HCN1: variants seen among roughly 807,000 people sequenced by gnomAD.
The protein encoded by HCN1 is hyperpolarization activated cyclic nucleotide gated potassium channel 1.
Under a neutral mutation model 78.9 loss-of-function variants are expected in HCN1, and 13 were observed. That is an observed-to-expected ratio of 0.16 (90% CI 0.11 to 0.26). The LOEUF (loss-of-function observed/expected upper bound fraction) is 0.26. Ranked by LOEUF, HCN1 falls within the 10% of genes least tolerant of loss-of-function variation. The pLI is 1.00. For missense variants in HCN1, 810 were observed against 1,154.3 expected (o/e 0.70, Z 4.32); for synonymous variants, 552 against 455.5 (o/e 1.21, Z -2.70).
intron 6 of HCN1, among the ~76,000 whole-genome samples, chr5:45,293,968 T>A (rs959369483): frequency 6.6e-6 from 1 of 151,812 alleles, no homozygotes; most frequent in African/African-American, 2.4e-5. Flanking sequence ...AAAGAAAAAT[T>A]AAAAAAAACT....
intron 4 of HCN1, among the ~76,000 whole-genome samples, chr5:45,365,537 G>T (rs889527621): frequency 6.6e-6 from 1 of 151,864 alleles, no homozygotes; most frequent in Non-Finnish European, 1.5e-5. Flanking sequence ...ATTTTTTATG[G>T]CTGTGTAGTA....
intron 2 of HCN1, among the ~76,000 whole-genome samples, chr5:45,586,225 C>T (rs2589173): frequency 1 from 152,221 of 152,242 alleles, 76,100 homozygotes; most frequent in Non-Finnish European, 1. Context: ...TCGGCAATGG[C>T]GGGCACCCAT....
chr5:45,598,646 G>T (rs1275014470), intron 2 of HCN1, among the ~76,000 whole-genome samples: 4 of 152,180 alleles, frequency 2.6e-5, no homozygotes, highest in Non-Finnish European at 4.4e-5. Flanking sequence ...CAGAATGGAA[G>T]AAAATTTTTG....
At chr5:45,593,312 T>TCC (rs1744417095) in intron 2 of HCN1, among the ~76,000 whole-genome samples, 1 of 42,176 alleles carries the variant, frequency 2.4e-5, no homozygotes, top group African/African-American at 5.6e-5. Flanking sequence ...TCTCTCTCTC[T>TCC]CTCTCTCTCC....
At chr5:45,657,271 A>G (rs976510385) in intron 1 of HCN1, among the ~76,000 whole-genome samples, 1 of 152,198 alleles carries the variant, frequency 6.6e-6, no homozygotes, top group African/African-American at 2.4e-5. Context: ...ATCCACTCCA[A>G]TTCACTACAG....
At chr5:45,405,970 T>A (rs1739909722) in intron 3 of HCN1, among the ~76,000 whole-genome samples, 1 of 152,148 alleles carries the variant, frequency 6.6e-6, no homozygotes. Context: ...AAAATTTGCA[T>A]TAAATAGACT....
At chr5:45,347,163 A>G (rs1199558103) in intron 5 of HCN1, among the ~76,000 whole-genome samples, 1 of 152,168 alleles carries the variant, frequency 6.6e-6, no homozygotes, top group Non-Finnish European at 1.5e-5. Context: ...CTTCTCTGAC[A>G]CAAAAACTCC....
At chr5:45,386,061 A>G (rs887426651) in intron 4 of HCN1, among the ~76,000 whole-genome samples, 9 of 152,190 alleles carry the variant, frequency 5.9e-5, no homozygotes, top group African/African-American at 2.2e-4. Context: ...ATCAATTGAA[A>G]GCTATATGTC....
chr5:45,452,025 T>C (rs1289762098), intron 3 of HCN1, among the ~76,000 whole-genome samples: 1 of 152,048 alleles, frequency 6.6e-6, no homozygotes, highest in Non-Finnish European at 1.5e-5. Flanking sequence ...GACTTTATGA[T>C]ATGCTCAAGA....
At chr5:45,688,382 A>G (rs1580051310) in intron 1 of HCN1, among the ~76,000 whole-genome samples, 1 of 152,138 alleles carries the variant, frequency 6.6e-6, no homozygotes, top group Non-Finnish European at 1.5e-5. Context: ...CACGCTACAT[A>G]ACTTCTCTGC....
At chr5:45,396,085 G>C (rs926052794) in intron 4 of HCN1, among the ~76,000 whole-genome samples, 10 of 152,082 alleles carry the variant, frequency 6.6e-5, no homozygotes, top group Non-Finnish European at 1.2e-4. Flanking sequence ...ATGAGGGGGG[G>C]TACAGAGGGA....
At chr5:45,478,147 C>G (rs535745301) in intron 2 of HCN1, among the ~76,000 whole-genome samples, 3 of 151,646 alleles carry the variant, frequency 2.0e-5, no homozygotes, top group South Asian at 4.2e-4. Flanking sequence ...ATGAGACACT[C>G]TGTCAAAAAA....
At chr5:45,327,948 G>A (rs1746268597) in intron 5 of HCN1, among the ~76,000 whole-genome samples, 1 of 151,598 alleles carries the variant, frequency 6.6e-6, no homozygotes, top group Admixed American at 6.6e-5. Flanking sequence ...CCCAGTTTGT[G>A]GTATTTTGTC....
chr5:45,537,216 A>G (rs559143806), intron 2 of HCN1, among the ~76,000 whole-genome samples: 1 of 152,194 alleles, frequency 6.6e-6, no homozygotes, highest in African/African-American at 2.4e-5. Flanking sequence ...TGTCTTTTCC[A>G]GTAAATCTTA....
chr5:45,583,240 TG>T (rs1186479058), intron 2 of HCN1, among the ~76,000 whole-genome samples: 2 of 152,218 alleles, frequency 1.3e-5, no homozygotes, highest in African/African-American at 4.8e-5. Context: ...AACTTCTTAC[TG>T]GTTTAGTCTT....
intron 3 of HCN1, among the ~76,000 whole-genome samples, chr5:45,428,813 G>T (rs1405838032): frequency 6.6e-6 from 1 of 151,772 alleles, no homozygotes; most frequent in East Asian, 1.9e-4. Context: ...AGCAAGGAAA[G>T]GATAGGAAAG....
Position 45,497,982 on chromosome 5 carries a change from A to T in HCN1, c.850-35975T>A, listed in dbSNP as rs376988576. 7.5e-4 allele frequency among the ~76,000 whole-genome samples: 112 copies of T among 149,588 alleles called. 5 individuals carry two copies. In the South Asian group the frequency reaches 0.023, roughly 30 times the overall value. ...TGTTAGTCTGATGGGCTTCCCTTTG[A>T]GGGTAACCGGACCTTTCTCTCTGGC... On this transcript the variant is annotated intron_variant, in intron 2 of 7. Coordinates refer to ENST00000303230, the MANE Select transcript of HCN1 (RefSeq NM_021072.4).
chr5:45,629,808 A>G (rs1745237811), intron 2 of HCN1, among the ~76,000 whole-genome samples: 1 of 152,196 alleles, frequency 6.6e-6, no homozygotes, highest in Admixed American at 6.6e-5. Flanking sequence ...AATTATCTTA[A>G]GTGTGAAAGT....
intron 2 of HCN1, among the ~76,000 whole-genome samples, chr5:45,521,424 G>T (rs1216080492): frequency 6.6e-6 from 1 of 151,900 alleles, no homozygotes; most frequent in Non-Finnish European, 1.5e-5. Flanking sequence ...CAGCAAGGTT[G>T]GTTTCTTGTG....
Sources: gnomAD v4.1 joint callset for allele counts (sites outside exome capture counted in the v4.1 genomes callset) on GRCh38, gnomAD v4.1.1 for gene constraint, MANE v1.5 for transcripts, NCBI Gene and HGNC (gene_info 2026-07-23, HGNC 2026-07-21) for gene names.